Variants in FSTL5 observed in about 807,000 individuals in gnomAD.
The protein encoded by FSTL5 is follistatin like 5.
A neutral mutation model predicts 89.1 loss-of-function variants in FSTL5; 62 were observed. The observed-to-expected ratio is 0.70, with a 90% CI of 0.57 to 0.86. The LOEUF is 0.86. Among genes scored for constraint, FSTL5 ranks in the 40% least tolerant of loss-of-function variants. The probability of loss-of-function intolerance (pLI) is 0.00; values close to 1 mark genes in which losing one functional copy is unlikely to be tolerated. For missense variants in FSTL5, 1,057 were observed against 1,001.6 expected, an observed-to-expected ratio of 1.06 and a Z score of -0.75; for synonymous variants, 383 against 346.2, an observed-to-expected ratio of 1.11 and a Z score of -1.18.
At chr4:161,648,834 G>A (rs959884695) in intron 7 of FSTL5, among the ~76,000 whole-genome samples, 1 of 152,188 alleles carries the variant, frequency 6.6e-6, no homozygotes, top group Non-Finnish European at 1.5e-5. Flanking sequence ...TGGAAAGTGA[G>A]GGTCTAAATT....
chr4:161,775,799 ATAGAG>A (rs1741387297), intron 5 of FSTL5, 74 bp downstream of exon 5: 3 of 715,468 alleles, frequency 4.2e-6, no homozygotes, highest in Admixed American at 3.1e-5. Context: ...TTTTTTCATT[ATAGAG>A]TAAATTTAGA....
At chr4:161,971,277 T>G (rs17537295) in intron 3 of FSTL5, among the ~76,000 whole-genome samples, 7,821 of 152,218 alleles carry the variant, frequency 0.051, 251 homozygotes, top group Non-Finnish European at 0.076. Flanking sequence ...CCCTTTTCAT[T>G]ATGTCACAAA....
intron 3 of FSTL5, among the ~76,000 whole-genome samples, chr4:162,002,734 C>G (rs1045686523): frequency 1.4e-5 from 2 of 147,450 alleles, no homozygotes; most frequent in Non-Finnish European, 1.5e-5. Flanking sequence ...AACAGCCTCT[C>G]TTCTATGTTA....
At chr4:162,091,870 G>T (rs1210813829) in intron 2 of FSTL5, among the ~76,000 whole-genome samples, 3 of 147,814 alleles carry the variant, frequency 2.0e-5, no homozygotes, top group African/African-American at 5.0e-5. Context: ...TTTATATAGG[G>T]AGAGAAATTA....
chr4:161,714,716 AT>A (rs929186926), intron 6 of FSTL5, among the ~76,000 whole-genome samples: 1 of 152,200 alleles, frequency 6.6e-6, no homozygotes, highest in Non-Finnish European at 1.5e-5. Context: ...ATTTTAAAGG[AT>A]TTTTTTACAT....
chr4:162,093,748 T>TAAAAC (rs1730642384), intron 2 of FSTL5, among the ~76,000 whole-genome samples: 1 of 152,182 alleles, frequency 6.6e-6, no homozygotes, highest in Non-Finnish European at 1.5e-5. Flanking sequence ...CTTCTGTGAT[T>TAAAAC]TGTTTATCAT....
At chr4:161,720,456 C>A (rs897547138) in intron 6 of FSTL5, among the ~76,000 whole-genome samples, 1 of 151,914 alleles carries the variant, frequency 6.6e-6, no homozygotes, top group South Asian at 2.1e-4. Context: ...GCATGGAGAT[C>A]AGTCAAAAAA....
intron 8 of FSTL5, among the ~76,000 whole-genome samples, chr4:161,571,808 T>C (rs748995156): frequency 6.6e-6 from 1 of 152,076 alleles, no homozygotes; most frequent in Non-Finnish European, 1.5e-5. Flanking sequence ...GGTAATTCTG[T>C]TGTGGTGCTG....
chr4:161,594,085 C>CA (rs1018379964), intron 7 of FSTL5, among the ~76,000 whole-genome samples: 1 of 151,296 alleles, frequency 6.6e-6, no homozygotes, highest in Non-Finnish European at 1.5e-5. Context: ...AGATTTTGAG[C>CA]AAAAAAAATA....
chr4:161,858,352 C>G (rs1731786812), intron 4 of FSTL5, among the ~76,000 whole-genome samples: 1 of 152,180 alleles, frequency 6.6e-6, no homozygotes, highest in African/African-American at 2.4e-5. Flanking sequence ...TAGATTAAGA[C>G]ATCCACCTTG....
intron 4 of FSTL5, among the ~76,000 whole-genome samples, chr4:161,804,284 T>C (rs951673860): frequency 2.0e-5 from 3 of 152,002 alleles, no homozygotes; most frequent in Non-Finnish European, 4.4e-5. Flanking sequence ...TCAATGCCTG[T>C]CTGCCATGTA....
At chr4:162,036,139 G>A (rs72980613) in intron 2 of FSTL5, among the ~76,000 whole-genome samples, 7 of 151,866 alleles carry the variant, frequency 4.6e-5, no homozygotes, top group South Asian at 2.1e-4. Flanking sequence ...CTTAAGTCTC[G>A]TTCTATTGCT....
At chr4:161,993,155 T>A (rs1022909918) in intron 3 of FSTL5, among the ~76,000 whole-genome samples, 1 of 151,298 alleles carries the variant, frequency 6.6e-6, no homozygotes, top group Non-Finnish European at 1.5e-5. Context: ...CAATACTTAT[T>A]TATCTTTTTA....
chr4:161,623,043 C>T (rs1000777044), intron 7 of FSTL5, among the ~76,000 whole-genome samples: 1 of 152,018 alleles, frequency 6.6e-6, no homozygotes, highest in Non-Finnish European at 1.5e-5. Flanking sequence ...ATCTCAATAA[C>T]TGCTGAAAAA....
intron 6 of FSTL5, among the ~76,000 whole-genome samples, chr4:161,671,705 C>T (rs529181512): frequency 6.6e-6 from 1 of 152,148 alleles, no homozygotes; most frequent in Admixed American, 6.6e-5. Context: ...AATCTTTGAG[C>T]CTTCTGCAAA....
intron 3 of FSTL5, among the ~76,000 whole-genome samples, chr4:162,000,471 G>A (rs866490391): frequency 2.6e-5 from 4 of 151,658 alleles, no homozygotes; most frequent in Non-Finnish European, 2.9e-5. Context: ...GGTGGCAGGC[G>A]CCTGTAATCC....
chr4:161,727,496 A>C (rs944830176), intron 6 of FSTL5, among the ~76,000 whole-genome samples: 2 of 152,188 alleles, frequency 1.3e-5, no homozygotes, highest in East Asian at 3.9e-4. Flanking sequence ...GAAGCTGGTC[A>C]ATTTGCCAAA....
intron 5 of FSTL5, among the ~76,000 whole-genome samples, chr4:161,771,046 C>A (rs1284618549): frequency 6.6e-6 from 1 of 151,926 alleles, no homozygotes; most frequent in East Asian, 1.9e-4. Flanking sequence ...TATTCCTCTT[C>A]TATGGCAGGA....
intron 2 of FSTL5, among the ~76,000 whole-genome samples, chr4:162,106,776 A>T (rs919666801): frequency 3.3e-5 from 5 of 152,190 alleles, no homozygotes; most frequent in African/African-American, 1.2e-4. Context: ...AACAACTCCC[A>T]AATCTCAATG....
Sources: gnomAD v4.1 joint callset for allele counts (sites outside exome capture counted in the v4.1 genomes callset) on GRCh38, gnomAD v4.1.1 for gene constraint, MANE v1.5 for transcripts, NCBI Gene and HGNC (gene_info 2026-07-23, HGNC 2026-07-21) for gene names.